Variants in EFHD1 observed in about 807,000 individuals in gnomAD.
EFHD1 encodes the protein EF-hand domain-containing protein D1.
Under a neutral mutation model 17.2 loss-of-function variants are expected in EFHD1, and 10 were observed. That is an observed-to-expected ratio of 0.58 (90% confidence interval 0.36 to 0.99). The LOEUF (loss-of-function observed/expected upper bound fraction) is 0.99. Among genes scored for constraint, EFHD1 ranks in the 50% least tolerant of loss-of-function variants. The pLI is 0.01. For synonymous variants in EFHD1, 153 were observed against 142.0 expected, an observed-to-expected ratio of 1.08 and a Z score of -0.55; for missense variants, 310 against 327.5, an observed-to-expected ratio of 0.95 and a Z score of 0.41.
At position 232,662,869 on chromosome 2, in the gene EFHD1, G is replaced by A. The variant is rs775489644; in HGVS notation, c.370G>A (p.Ala124Thr). The A allele has an allele frequency of 1.0e-5, 16 of 1,593,348 alleles. No homozygotes were observed. The highest frequency in any genetic ancestry group is 1.8e-5 in the Admixed American group (1 of 56,302). ...GAAGCTGATGATGGAGAAGCTGGGG[G>A]CCCCCCAGACCCACCTGGGCCTGAA... ...ELKLMMEKLG[A>T]PQTHLGLKSM... is the part of the protein sequence containing the mutation. The change falls in exon 2 of 4, where the codon GCC (alanine) becomes ACC (threonine). Residue 124 changes from alanine (A) to threonine (T), a missense_variant. Ala to Thr is a moderately conservative substitution (Grantham distance 58). Coordinates refer to ENST00000264059, the MANE Select transcript of EFHD1 (RefSeq NM_025202.4).
At chr2:232,621,457 C>CTTTCTTTT (rs1694016442) in intron 1 of EFHD1, among the ~76,000 whole-genome samples, 1 of 151,796 alleles carries the variant, frequency 6.6e-6, no homozygotes, top group African/African-American at 2.4e-5. Flanking sequence ...TTTTTTCTTT[C>CTTTCTTTT]TTTTTTTCTC....
chr2:232,644,035 G>A (rs1694480503), intron 1 of EFHD1, among the ~76,000 whole-genome samples: 1 of 152,156 alleles, frequency 6.6e-6, no homozygotes, highest in Admixed American at 6.5e-5. Context: ...CCACAGCTAG[G>A]AGTGCTGTGT....
At chr2:232,676,292 G>A (rs950291000) in intron 3 of EFHD1, among the ~76,000 whole-genome samples, 6 of 152,174 alleles carry the variant, frequency 3.9e-5, no homozygotes, top group African/African-American at 1.2e-4. Context: ...CGGGAAAGGC[G>A]TGCCCTTTCA....
At chr2:232,610,014 TCACACA>T in intron 1 of EFHD1, among the ~76,000 whole-genome samples, 1 of 151,914 alleles carries the variant, frequency 6.6e-6, no homozygotes, top group Non-Finnish European at 1.5e-5. Context: ...TCTCCAACCC[TCACACA>T]TGCATTAAAC....
intron 3 of EFHD1, among the ~76,000 whole-genome samples, chr2:232,678,292 A>G (rs902883263): frequency 4.6e-5 from 7 of 152,124 alleles, no homozygotes; most frequent in Non-Finnish European, 1.0e-4. Context: ...AGAATCTTAA[A>G]ACTTCAAAAA....
At chr2:232,623,481 C>G (rs1188353575) in intron 1 of EFHD1, among the ~76,000 whole-genome samples, 1 of 151,714 alleles carries the variant, frequency 6.6e-6, no homozygotes, top group Non-Finnish European at 1.5e-5. Context: ...CGAGACCAGC[C>G]TGGCCAACAC....
At chr2:232,681,517 G>C (rs1267465810) in intron 3 of EFHD1, 68 bp from the exon 4 acceptor site, 1 of 1,568,806 alleles carries the variant, frequency 6.4e-7, no homozygotes, top group Non-Finnish European at 8.6e-7. Context: ...GTTGGCTCAG[G>C]TGTCAGCAGC....
chr2:232,612,984 T>C (rs1195921620), intron 1 of EFHD1, among the ~76,000 whole-genome samples: 1 of 151,978 alleles, frequency 6.6e-6, no homozygotes, highest in Non-Finnish European at 1.5e-5. Context: ...CCACCCGCTT[T>C]AGCCTCCCAA....
At position 232,662,822 on chromosome 2, in the gene EFHD1, G is replaced by C; in HGVS notation, c.323G>C (p.Gly108Ala). ...TGCAGGTATGACGCTGGGCGGGATG[G>C]CTTCATCGACCTGATGGAGCTGAAG... The part of the protein sequence containing the change: ...MFKLYDAGRD[G>A]FIDLMELKLM... The change falls in exon 2 of 4, where the codon GGC becomes GCC. Residue 108 changes from glycine to alanine, a missense_variant. Gly to Ala is a moderately conservative substitution (Grantham distance 60). Transcript: ENST00000264059. The C allele has an allele frequency of 6.3e-7, 1 of 1,582,538 alleles. No homozygotes were observed. Among genetic ancestry groups the C allele is most frequent in the East Asian group, 2.4e-5 (1 of 41,198 alleles).
At chr2:232,621,841 C>T (rs961602843) in intron 1 of EFHD1, among the ~76,000 whole-genome samples, 1 of 152,184 alleles carries the variant, frequency 6.6e-6, no homozygotes, top group Non-Finnish European at 1.5e-5. Flanking sequence ...CTCTGAGTGA[C>T]ACAGCCAGGA....
chr2:232,650,169 T>G (rs1694616303), intron 1 of EFHD1: 1 of 151,276 alleles, frequency 6.6e-6, no homozygotes, highest in Non-Finnish European at 1.5e-5. Flanking sequence ...ATAGCAAAGA[T>G]GAAAGGAACT....
intron 3 of EFHD1, among the ~76,000 whole-genome samples, chr2:232,674,632 G>A (rs921905460): frequency 2.4e-4 from 36 of 152,144 alleles, no homozygotes; most frequent in Admixed American, 2.3e-3. Context: ...AGAATCAAAG[G>A]CAGAGTAGGT....
At chr2:232,642,288 C>CA (rs1444476962) in intron 1 of EFHD1, among the ~76,000 whole-genome samples, 1 of 141,462 alleles carries the variant, frequency 7.1e-6, no homozygotes, top group Non-Finnish European at 1.5e-5. Flanking sequence ...GAGGCTGAGG[C>CA]AGGAGAATCA....
intron 2 of EFHD1, 102 bp downstream of exon 2, chr2:232,663,051 G>A (rs1386911735): frequency 2.7e-5 from 35 of 1,315,976 alleles, no homozygotes; most frequent in South Asian, 2.5e-4. Context: ...TCTCCAGAGC[G>A]CTGTTTGCGT....
intron 1 of EFHD1, among the ~76,000 whole-genome samples, chr2:232,635,148 G>A (rs1417013390): frequency 6.6e-6 from 1 of 152,240 alleles, no homozygotes; most frequent in Non-Finnish European, 1.5e-5. Context: ...AGTTTGGGCA[G>A]TTCAGGAAGG....
At chr2:232,656,771 A>T (rs2106207798) in intron 1 of EFHD1, among the ~76,000 whole-genome samples, 1 of 152,116 alleles carries the variant, frequency 6.6e-6, no homozygotes, top group South Asian at 2.1e-4. Flanking sequence ...GTGGTGAGAT[A>T]TACATAATGT....
chr2:232,662,231 T>C (rs1407741163), intron 1 of EFHD1, among the ~76,000 whole-genome samples: 10 of 152,010 alleles, frequency 6.6e-5, no homozygotes, highest in Non-Finnish European at 1.0e-4. Context: ...ACACGGCCGT[T>C]CAGAGCTGGA....
chr2:232,650,163 CA>C (rs1221456397), intron 1 of EFHD1: 2 of 151,828 alleles, frequency 1.3e-5, no homozygotes, highest in Non-Finnish European at 2.9e-5. Context: ...GTAACAATAG[CA>C]AAGATGAAAG....
intron 1 of EFHD1, among the ~76,000 whole-genome samples, chr2:232,654,954 C>T (rs1377511998): frequency 6.6e-6 from 1 of 152,176 alleles, no homozygotes. Flanking sequence ...TGTTCCTGGG[C>T]GCTGCTGTCT....
Sources: allele counts gnomAD v4.1 joint callset (sites outside exome capture counted in the v4.1 genomes callset), GRCh38; gene constraint gnomAD v4.1.1; transcripts MANE v1.5; gene names NCBI Gene and HGNC (gene_info 2026-07-23, HGNC 2026-07-21).